MYO5B: variants seen among roughly 807,000 people sequenced by gnomAD.
MYO5B encodes myosin VB.
Under a neutral mutation model 229.3 loss-of-function variants are expected in MYO5B, and 143 were observed. The ratio of observed to expected loss-of-function variants is 0.62; its 90% CI spans 0.54 to 0.72. The LOEUF is 0.72. Among genes scored for constraint, MYO5B ranks in the 30% least tolerant of loss-of-function variants. The pLI is 0.00. For synonymous variants in MYO5B, 918 were observed against 885.2 expected (o/e 1.04, Z -0.66); for missense variants, 2,321 against 2,331.0 (o/e 1.00, Z 0.09).
intron 14 of MYO5B, among the ~76,000 whole-genome samples, chr18:49,943,036 T>G (rs575563920): frequency 6.6e-6 from 1 of 151,954 alleles, no homozygotes; most frequent in African/African-American, 2.4e-5. Flanking sequence ...TATGCAGTCA[T>G]AAAAAAATGA....
intron 7 of MYO5B, among the ~76,000 whole-genome samples, chr18:49,986,369 G>A (rs1254743410): frequency 6.6e-6 from 1 of 152,176 alleles, no homozygotes; most frequent in Admixed American, 6.5e-5. Flanking sequence ...GGCAAGGAGA[G>A]ACAGAACTCA....
At chr18:50,040,935 A>C (rs913462872) in intron 2 of MYO5B, among the ~76,000 whole-genome samples, 27 of 152,228 alleles carry the variant, frequency 1.8e-4, no homozygotes, top group African/African-American at 5.5e-4. Flanking sequence ...TTGTATTCTT[A>C]GCACTTGGAC....
chr18:50,073,459 G>A (rs1288244749), intron 1 of MYO5B, among the ~76,000 whole-genome samples: 1 of 152,138 alleles, frequency 6.6e-6, no homozygotes, highest in Non-Finnish European at 1.5e-5. Context: ...CACACTCCTG[G>A]CCTTCCTCCT....
At chr18:50,104,826 T>C (rs1169034842) in intron 1 of MYO5B, among the ~76,000 whole-genome samples, 1 of 152,096 alleles carries the variant, frequency 6.6e-6, no homozygotes, top group African/African-American at 2.4e-5. Context: ...TTATTAACCT[T>C]GAAACTGGAA....
chr18:50,144,647 G>A (rs1278689772), intron 1 of MYO5B, among the ~76,000 whole-genome samples: 2 of 152,074 alleles, frequency 1.3e-5, no homozygotes, highest in Non-Finnish European at 2.9e-5. Flanking sequence ...TATTCTTCAG[G>A]GTTTATATAA....
intron 21 of MYO5B, among the ~76,000 whole-genome samples, chr18:49,896,144 G>A (rs1003375096): frequency 1.3e-5 from 2 of 152,166 alleles, no homozygotes; most frequent in African/African-American, 4.8e-5. Context: ...ACAGTGAAGA[G>A]CAGCAAAAGA....
intron 1 of MYO5B, among the ~76,000 whole-genome samples, chr18:50,188,785 TAAAAAAAAAAAAAA>T (rs4042094): frequency 1.4e-4 from 15 of 105,144 alleles, no homozygotes; most frequent in South Asian, 1.2e-3. Context: ...GACTCTGTCA[TAAAAAAAAAAAAAA>T]AAAAAAAAAA....
At chr18:49,892,519 C>T (rs148798028) in intron 22 of MYO5B, among the ~76,000 whole-genome samples, 45 of 152,338 alleles carry the variant, frequency 3.0e-4, no homozygotes, top group African/African-American at 1.1e-3. Flanking sequence ...TACTAGCAGT[C>T]GGCCCCCTCA....
chr18:50,047,321 C>CA (rs1193031674), intron 2 of MYO5B, among the ~76,000 whole-genome samples: 2 of 152,130 alleles, frequency 1.3e-5, no homozygotes, highest in Non-Finnish European at 2.9e-5. Context: ...TTTATGCAAC[C>CA]AAAAAACACA....
At chr18:49,864,858 C>T (rs984541153) in intron 27 of MYO5B, among the ~76,000 whole-genome samples, 2 of 152,142 alleles carry the variant, frequency 1.3e-5, no homozygotes, top group Non-Finnish European at 2.9e-5. Flanking sequence ...ATTTTTGTCC[C>T]GGACTAATTA....
At chr18:49,829,124 C>G (rs1478070105) in intron 39 of MYO5B, among the ~76,000 whole-genome samples, 1 of 150,688 alleles carries the variant, frequency 6.6e-6, no homozygotes, top group Non-Finnish European at 1.5e-5. Flanking sequence ...CTCTGTCACC[C>G]AGGCTGGAGT....
At chr18:50,111,364 TA>T (rs1307722039) in intron 1 of MYO5B, among the ~76,000 whole-genome samples, 1 of 152,262 alleles carries the variant, frequency 6.6e-6, no homozygotes, top group Non-Finnish European at 1.5e-5. Flanking sequence ...CACTGAATAG[TA>T]AATTATTTTG....
At chr18:50,128,852 G>A (rs577298018) in intron 1 of MYO5B, among the ~76,000 whole-genome samples, 1 of 152,194 alleles carries the variant, frequency 6.6e-6, no homozygotes, top group Non-Finnish European at 1.5e-5. Context: ...GTGAGAAGGG[G>A]GAAACCACCT....
chr18:50,035,990 G>A (rs112970660), intron 4 of MYO5B, among the ~76,000 whole-genome samples: 2 of 152,210 alleles, frequency 1.3e-5, no homozygotes, highest in African/African-American at 4.8e-5. Context: ...ATCCACTGAA[G>A]CACAGACCAC....
intron 1 of MYO5B, among the ~76,000 whole-genome samples, chr18:50,165,433 T>C (rs1474448793): frequency 1.3e-5 from 2 of 151,838 alleles, no homozygotes; most frequent in African/African-American, 4.8e-5. Context: ...TGAGCCATGA[T>C]TGTGCCACTG....
Position 50,134,395 on chromosome 18 carries a change from A to G in MYO5B, c.27+60372T>C, listed in dbSNP as rs531122632. 2.0e-5 allele frequency among the ~76,000 whole-genome samples: 3 copies of G among 152,098 alleles called. No homozygotes were observed. The East Asian group carries it at 5.8e-4, about 29-fold the overall frequency. ...ACGGTGAAACCCCATCTCTACTAAAAGTGCAAAAACTTAGCCAGGTGTGGT... is the reference window on the plus strand; with the variant it reads ...ACGGTGAAACCCCATCTCTACTAAAGGTGCAAAAACTTAGCCAGGTGTGGT... On this transcript the variant is annotated intron_variant, in intron 1 of 39. Transcript: ENST00000285039.
At chr18:50,160,376 C>G (rs2032747428) in intron 1 of MYO5B, among the ~76,000 whole-genome samples, 1 of 152,184 alleles carries the variant, frequency 6.6e-6, no homozygotes, top group Admixed American at 6.5e-5. Context: ...GGGTAAAACC[C>G]AGTTCTCTAT....
rs1285887461 is a variant in MYO5B at position 49,962,251 on chromosome 18, C to T, written c.1545+15G>A. The T allele has an allele frequency of 6.2e-7, 1 of 1,613,980 alleles. No homozygotes were observed. ...CCTACCCTAGAATTGAACTAATTTG[C>T]ATCATCAGTTTTACCTTACATTCTT... On this transcript the variant is annotated intron_variant, in intron 12 of 39. Transcript: ENST00000285039.
chr18:49,881,568 T>C (rs1217640), intron 22 of MYO5B, among the ~76,000 whole-genome samples: 91,403 of 151,934 alleles, frequency 0.6, 27,534 homozygotes, highest in Middle Eastern at 0.67. Flanking sequence ...TTTGGGAGGC[T>C]GAGGCAGGCA....
Sources: gnomAD v4.1 joint callset for allele counts (sites outside exome capture counted in the v4.1 genomes callset) on GRCh38, gnomAD v4.1.1 for gene constraint, MANE v1.5 for transcripts, NCBI Gene and HGNC (gene_info 2026-07-23, HGNC 2026-07-21) for gene names.